BMPER: variants seen among roughly 807,000 people sequenced by gnomAD.
The protein encoded by BMPER is BMP-binding endothelial regulator protein.
In BMPER, 45 loss-of-function variants were observed where a neutral mutation model predicts 87.3. The ratio of observed to expected loss-of-function variants is 0.52; its 90% CI spans 0.41 to 0.66. The LOEUF (loss-of-function observed/expected upper bound fraction) is 0.66, where lower values mean the gene tolerates loss of function less well. Among genes scored for constraint, BMPER ranks in the 30% least tolerant of loss-of-function variants. The pLI is 0.00. For missense variants in BMPER, 784 were observed against 867.5 expected, an observed-to-expected ratio of 0.90 and a Z score of 1.21; for synonymous variants, 326 against 316.2, an observed-to-expected ratio of 1.03 and a Z score of -0.33.
chr7:33,961,039 A>G (rs551291704), intron 3 of BMPER, among the ~76,000 whole-genome samples: 1 of 152,254 alleles, frequency 6.6e-6, no homozygotes, highest in Admixed American at 6.5e-5. Context: ...TGGGTGACCT[A>G]GGTTTCCTTG....
intron 13 of BMPER, among the ~76,000 whole-genome samples, chr7:34,108,409 C>T (rs1789878912): frequency 6.6e-6 from 1 of 152,214 alleles, no homozygotes; most frequent in African/African-American, 2.4e-5. Flanking sequence ...GCCCACAGCC[C>T]ACTGGCTGAG....
intron 11 of BMPER, among the ~76,000 whole-genome samples, chr7:34,064,212 A>AG (rs1788515971): frequency 6.6e-6 from 1 of 151,900 alleles, no homozygotes; most frequent in African/African-American, 2.4e-5. Context: ...AATAGCTTGA[A>AG]CTTGGGAGGC....
At chr7:34,110,293 C>G (rs1367474201) in intron 13 of BMPER, among the ~76,000 whole-genome samples, 1 of 152,196 alleles carries the variant, frequency 6.6e-6, no homozygotes, top group African/African-American at 2.4e-5. Context: ...TCCCTGCAGT[C>G]TGCTCCTTCC....
At chr7:34,145,224 G>A (rs1583480179) in intron 14 of BMPER, among the ~76,000 whole-genome samples, 1 of 152,276 alleles carries the variant, frequency 6.6e-6, no homozygotes, top group East Asian at 1.9e-4. Flanking sequence ...GTAGGATGAT[G>A]GATTTTTGGG....
intron 3 of BMPER, among the ~76,000 whole-genome samples, chr7:33,957,854 C>A (rs1248722044): frequency 6.6e-6 from 1 of 152,144 alleles, no homozygotes; most frequent in Non-Finnish European, 1.5e-5. Flanking sequence ...CCTAGTTAAT[C>A]AACCAGAAAG....
chr7:33,957,819 A>G (rs1042861385), intron 3 of BMPER, among the ~76,000 whole-genome samples: 1 of 152,028 alleles, frequency 6.6e-6, no homozygotes, highest in Admixed American at 6.6e-5. Flanking sequence ...ATTTTTGACA[A>G]TTTTTCCTGA....
chr7:34,007,824 C>A (rs1178053065), intron 6 of BMPER, among the ~76,000 whole-genome samples: 1 of 151,818 alleles, frequency 6.6e-6, no homozygotes, highest in East Asian at 1.9e-4. Context: ...AATCCTAGAA[C>A]TAGAGTTATT....
intron 3 of BMPER, among the ~76,000 whole-genome samples, chr7:33,952,401 A>G (rs1785047662): frequency 6.6e-6 from 1 of 152,224 alleles, no homozygotes; most frequent in Admixed American, 6.5e-5. Context: ...TTTTGGAACC[A>G]AAATATTCTT....
chr7:34,001,571 T>A (rs1226273751), intron 6 of BMPER, among the ~76,000 whole-genome samples: 2 of 151,656 alleles, frequency 1.3e-5, no homozygotes, highest in Non-Finnish European at 3.0e-5. Flanking sequence ...TTCTTTTTTT[T>A]TTTTTTCTGT....
intron 14 of BMPER, among the ~76,000 whole-genome samples, chr7:34,145,565 G>T (rs564969824): frequency 6.6e-6 from 1 of 152,248 alleles, no homozygotes; most frequent in South Asian, 2.1e-4. Flanking sequence ...GAAGAACTGG[G>T]TCCTTCCAGC....
intron 6 of BMPER, among the ~76,000 whole-genome samples, chr7:33,976,265 G>A (rs922213084): frequency 6.6e-6 from 1 of 152,098 alleles, no homozygotes; most frequent in African/African-American, 2.4e-5. Context: ...TGATTCTCCT[G>A]CCTCAGCCTC....
chr7:34,068,638 C>T (rs908533978), intron 11 of BMPER, among the ~76,000 whole-genome samples: 8 of 151,788 alleles, frequency 5.3e-5, no homozygotes, highest in African/African-American at 9.7e-5. Context: ...TTTTTTTTCT[C>T]GTGGTAATTC....
chr7:34,056,139 G>T (rs1196958842), intron 9 of BMPER, among the ~76,000 whole-genome samples: 1 of 152,194 alleles, frequency 6.6e-6, no homozygotes, highest in Non-Finnish European at 1.5e-5. Flanking sequence ...GGAATAGTAA[G>T]AAGACATGAA....
intron 13 of BMPER, among the ~76,000 whole-genome samples, chr7:34,102,006 A>G (rs778704174): frequency 2.0e-5 from 3 of 152,250 alleles, no homozygotes; most frequent in East Asian, 3.9e-4. Context: ...AACCCATTAA[A>G]GTGGTTAAAG....
At chr7:34,000,747 C>T (rs1334901871) in intron 6 of BMPER, among the ~76,000 whole-genome samples, 2 of 152,026 alleles carry the variant, frequency 1.3e-5, no homozygotes, top group African/African-American at 2.4e-5. Context: ...AGAAAGTTGT[C>T]GCAAAGGTAT....
chr7:34,149,209 C>T (rs1474352477), intron 14 of BMPER, among the ~76,000 whole-genome samples: 2 of 152,092 alleles, frequency 1.3e-5, no homozygotes, highest in Admixed American at 6.5e-5. Context: ...TGCACAGGCA[C>T]GACTGCAGAT....
intron 3 of BMPER, among the ~76,000 whole-genome samples, chr7:33,951,204 C>T (rs570764589): frequency 4.6e-5 from 7 of 152,154 alleles, no homozygotes; most frequent in South Asian, 2.1e-4. Flanking sequence ...TGCACCACCA[C>T]GCCAAGCTAA....
chr7:33,963,179 T>A (rs1427479), intron 3 of BMPER, among the ~76,000 whole-genome samples: 1 of 152,224 alleles, frequency 6.6e-6, no homozygotes, highest in East Asian at 1.9e-4. Flanking sequence ...TCTGTAAGTT[T>A]GCTTCTATTC....
intron 3 of BMPER, among the ~76,000 whole-genome samples, chr7:33,951,191 G>T (rs554086603): frequency 1.5e-4 from 23 of 152,052 alleles, no homozygotes; most frequent in African/African-American, 5.5e-4. Flanking sequence ...GGGACTACAG[G>T]CATGCACCAC....
Sources: allele counts gnomAD v4.1 joint callset (sites outside exome capture counted in the v4.1 genomes callset), GRCh38; gene constraint gnomAD v4.1.1; transcripts MANE v1.5; gene names NCBI Gene and HGNC (gene_info 2026-07-23, HGNC 2026-07-21).